Variants in SYNPR observed in about 807,000 individuals in gnomAD.
SYNPR encodes the protein synaptoporin.
SYNPR carries 23 observed loss-of-function variants against 32.9 expected under a neutral mutation model. The observed-to-expected ratio is 0.70, with a 90% CI of 0.50 to 0.99. The LOEUF is 0.99. Among genes scored for constraint, SYNPR ranks in the 50% least tolerant of loss-of-function variants. The probability of loss-of-function intolerance (pLI) is 0.00; values close to 1 mark genes in which losing one functional copy is unlikely to be tolerated. For synonymous variants in SYNPR, 146 were observed against 135.9 expected (o/e 1.07, Z -0.52); for missense variants, 318 against 349.3 (o/e 0.91, Z 0.71).
At chr3:63,261,533 A>G (rs2086437592) in intron 2 of SYNPR, among the ~76,000 whole-genome samples, 1 of 130,650 alleles carries the variant, frequency 7.7e-6, no homozygotes, top group South Asian at 2.5e-4. Flanking sequence ...ACATGGACAC[A>G]GGAAGGGGAA....
At chr3:63,595,248 A>G (rs1699913388) in intron 4 of SYNPR, among the ~76,000 whole-genome samples, 2 of 152,096 alleles carry the variant, frequency 1.3e-5, no homozygotes, top group South Asian at 4.2e-4. Flanking sequence ...TTTGCACATG[A>G]TTAGAGACTT....
chr3:63,413,016 T>C (rs1364788198), intron 2 of SYNPR, among the ~76,000 whole-genome samples: 1 of 152,196 alleles, frequency 6.6e-6, no homozygotes, highest in African/African-American at 2.4e-5. Context: ...GGGTTCCAAG[T>C]GTTCACGTCA....
the SYNPR span, among the ~76,000 whole-genome samples, chr3:63,204,178 C>T: frequency 1.3e-5 from 2 of 152,150 alleles, no homozygotes; most frequent in Non-Finnish European, 2.9e-5. Flanking sequence ...TTGCCACAAA[C>T]CAGGTGGATA....
At chr3:63,565,601 T>A (rs1265939703) in intron 4 of SYNPR, among the ~76,000 whole-genome samples, 2 of 152,170 alleles carry the variant, frequency 1.3e-5, no homozygotes, top group African/African-American at 4.8e-5. Flanking sequence ...TATTATCACA[T>A]TGACAACACA....
chr3:63,274,960 G>A (rs771242521), upstream of SYNPR, among the ~76,000 whole-genome samples: 1 of 152,068 alleles, frequency 6.6e-6, no homozygotes, highest in Non-Finnish European at 1.5e-5. Context: ...GGATTGCCTT[G>A]GCATATCAAA....
intron 2 of SYNPR, among the ~76,000 whole-genome samples, chr3:63,408,358 AAG>A (rs1214515765): frequency 6.6e-6 from 1 of 150,844 alleles, no homozygotes; most frequent in Non-Finnish European, 1.5e-5. Context: ...GAAAGAAAGA[AAG>A]AAAGAAAGAA....
At chr3:63,530,573 ATAGTAGCTAT>A (rs1702094263) in intron 3 of SYNPR, among the ~76,000 whole-genome samples, 1 of 152,208 alleles carries the variant, frequency 6.6e-6, no homozygotes, top group African/African-American at 2.4e-5. Flanking sequence ...CGTTCCATTA[ATAGTAGCTAT>A]ATTGCAAGGT....
chr3:63,584,900 T>A (rs1703156252), intron 4 of SYNPR, among the ~76,000 whole-genome samples: 1 of 152,066 alleles, frequency 6.6e-6, no homozygotes, highest in Admixed American at 6.6e-5. Flanking sequence ...CACTGGCATC[T>A]CTTGGAAGCT....
At chr3:63,576,800 A>AG (rs1702989018) in intron 4 of SYNPR, among the ~76,000 whole-genome samples, 2 of 151,902 alleles carry the variant, frequency 1.3e-5, no homozygotes, top group Admixed American at 6.6e-5. Context: ...CAAAAAAAAA[A>AG]AAAAGAAAGA....
intron 2 of SYNPR, among the ~76,000 whole-genome samples, chr3:63,405,003 C>T (rs941671661): frequency 3.9e-5 from 6 of 152,132 alleles, no homozygotes; most frequent in African/African-American, 1.4e-4. Context: ...ATTCAACAAA[C>T]ATTTGTTGAG....
chr3:63,503,682 G>A (rs1701527732), intron 3 of SYNPR, among the ~76,000 whole-genome samples: 1 of 151,894 alleles, frequency 6.6e-6, no homozygotes, highest in Non-Finnish European at 1.5e-5. Flanking sequence ...TATTTAAAAT[G>A]TATTTTTTTC....
intron 3 of SYNPR, among the ~76,000 whole-genome samples, chr3:63,524,868 T>TGA (rs1265133121): frequency 6.7e-6 from 1 of 149,636 alleles, no homozygotes; most frequent in Non-Finnish European, 1.5e-5. Flanking sequence ...TGTGTGTGTG[T>TGA]GTGAGAGAGA....
chr3:63,402,350 A>G (rs550954013), intron 2 of SYNPR, among the ~76,000 whole-genome samples: 11 of 152,182 alleles, frequency 7.2e-5, no homozygotes, highest in Non-Finnish European at 1.3e-4. Context: ...GGGGAGAGGC[A>G]GAATCTCCCC....
intron 3 of SYNPR, among the ~76,000 whole-genome samples, chr3:63,501,948 T>C (rs1454713708): frequency 6.6e-6 from 1 of 152,168 alleles, no homozygotes; most frequent in Non-Finnish European, 1.5e-5. Flanking sequence ...CTGGTCTGAA[T>C]GGAGGTATGC....
intron 2 of SYNPR, among the ~76,000 whole-genome samples, chr3:63,471,461 G>A (rs1700795821): frequency 6.6e-6 from 1 of 152,154 alleles, no homozygotes; most frequent in African/African-American, 2.4e-5. Context: ...TGATGGCTGA[G>A]AAAATGACTG....
chr3:63,559,512 T>C (rs2106831746), intron 4 of SYNPR, among the ~76,000 whole-genome samples: 1 of 152,326 alleles, frequency 6.6e-6, no homozygotes, highest in Non-Finnish European at 1.5e-5. Context: ...GTGAGTAAAA[T>C]AAATTTCACA....
chr3:63,555,593 A>T (rs987634922), intron 3 of SYNPR, among the ~76,000 whole-genome samples: 1 of 152,176 alleles, frequency 6.6e-6, no homozygotes, highest in Non-Finnish European at 1.5e-5. Context: ...CCAGTAATTT[A>T]TTGAGCCTGG....
At chr3:63,256,472 T>C (rs1002135791) in intron 2 of SYNPR, among the ~76,000 whole-genome samples, 1 of 152,204 alleles carries the variant, frequency 6.6e-6, no homozygotes, top group African/African-American at 2.4e-5. Context: ...CTGGAGTGGA[T>C]CTCCAGCAAA....
At chr3:63,512,866 T>C (rs1701723607) in intron 3 of SYNPR, among the ~76,000 whole-genome samples, 1 of 152,140 alleles carries the variant, frequency 6.6e-6, no homozygotes, top group Non-Finnish European at 1.5e-5. Context: ...AGAAAACTAA[T>C]ACGGGGTTCA....
Sources: gnomAD v4.1 joint callset for allele counts (sites outside exome capture counted in the v4.1 genomes callset) on GRCh38, gnomAD v4.1.1 for gene constraint, MANE v1.5 for transcripts, NCBI Gene and HGNC (gene_info 2026-07-23, HGNC 2026-07-21) for gene names.